The following SLC35E4 variants were observed in gnomAD, a reference collection of about 807,000 sequenced individuals.
SLC35E4 encodes solute carrier family 35 member E4, also known as solute carrier family 35, member E4.
In SLC35E4, 15 loss-of-function variants were observed where a neutral mutation model predicts 19.3. The ratio of observed to expected loss-of-function variants is 0.78; its 90% CI spans 0.52 to 1.20. The LOEUF (loss-of-function observed/expected upper bound fraction) is 1.20, where lower values mean the gene tolerates loss of function less well. Among genes scored for constraint, SLC35E4 ranks in the 50% most tolerant of loss-of-function variants. The pLI is 0.00. For synonymous variants in SLC35E4, 219 were observed against 219.9 expected (o/e 1.00, Z 0.04); for missense variants, 406 against 472.3 (o/e 0.86, Z 1.30).
At chr22:30,651,371 T>TTTTGTG (rs1555899345), downstream of SLC35E4, among the ~76,000 whole-genome samples, 2 of 41,226 alleles carry the variant, frequency 4.9e-5, no homozygotes, top group African/African-American at 1.1e-4. Context: ...TGGCTAATTT[T>TTTTGTG]TGTGTGTGTG....
intron 2 of SLC35E4, among the ~76,000 whole-genome samples, chr22:30,656,707 G>A (rs767969619): frequency 5.3e-5 from 8 of 152,170 alleles, no homozygotes; most frequent in East Asian, 1.9e-4. Flanking sequence ...AGTGTGAACT[G>A]TTTGGGAAAA....
At chr22:30,660,104 C>T (rs1314522630) in intron 2 of SLC35E4, among the ~76,000 whole-genome samples, 2 of 152,214 alleles carry the variant, frequency 1.3e-5, no homozygotes, top group African/African-American at 4.8e-5. Context: ...CAGGGAAAAA[C>T]ACATTTGGTT....
chr22:30,641,796 A>T (rs2088045360), intron 1 of SLC35E4, among the ~76,000 whole-genome samples: 2 of 147,112 alleles, frequency 1.4e-5, no homozygotes, highest in South Asian at 4.3e-4. Context: ...CCTGGCCTCA[A>T]GTGATCTTCC....
At chr22:30,645,819 A>ATTT (rs1179064724) in intron 1 of SLC35E4, among the ~76,000 whole-genome samples, 1,633 of 122,796 alleles carry the variant, frequency 0.013, 27 homozygotes, top group Non-Finnish European at 0.02. Flanking sequence ...TACCTGACCG[A>ATTT]TTTTTTTTTT....
chr22:30,659,938 C>G (rs951696931), intron 2 of SLC35E4, among the ~76,000 whole-genome samples: 1 of 152,150 alleles, frequency 6.6e-6, no homozygotes, highest in Admixed American at 6.5e-5. Context: ...GAGGGGCACA[C>G]GTAGAAAGCA....
chr22:30,657,896 T>C (rs993964204), intron 2 of SLC35E4, among the ~76,000 whole-genome samples: 12 of 141,776 alleles, frequency 8.5e-5, no homozygotes, highest in Admixed American at 4.4e-4. Flanking sequence ...AGTGCAAGAC[T>C]CTGTCTCAAA....
intron 1 of SLC35E4, among the ~76,000 whole-genome samples, chr22:30,638,663 T>G (rs972053906): frequency 1.4e-5 from 2 of 147,142 alleles, no homozygotes; most frequent in Non-Finnish European, 3.0e-5. Flanking sequence ...AATACAAAAA[T>G]TAGCTGAGCG....
At chr22:30,667,077 C>G (rs900007051), downstream of SLC35E4, 2 of 152,302 alleles carry the variant, frequency 1.3e-5, no homozygotes, top group East Asian at 3.9e-4. Context: ...AACTCGGTAG[C>G]AGTTCAGCTT....
chr22:30,657,735 TCTA>T (rs2088370373), intron 2 of SLC35E4, among the ~76,000 whole-genome samples: 1 of 150,022 alleles, frequency 6.7e-6, no homozygotes, highest in Non-Finnish European at 1.5e-5. Flanking sequence ...AAACCCCATC[TCTA>T]CTAAAAGTAC....
intron 2 of SLC35E4, chr22:30,661,779 T>G (rs951470764): frequency 6.6e-6 from 1 of 152,232 alleles, no homozygotes; most frequent in Non-Finnish European, 1.5e-5. Context: ...TTCCAGGGCC[T>G]ACTGATGGAG....
chr22:30,639,242 G>A (rs1402897249), intron 1 of SLC35E4, among the ~76,000 whole-genome samples: 1 of 152,140 alleles, frequency 6.6e-6, no homozygotes, highest in East Asian at 1.9e-4. Flanking sequence ...AAACCAGCAA[G>A]TTTTGATTAG....
intron 2 of SLC35E4, among the ~76,000 whole-genome samples, chr22:30,658,978 A>G (rs2088402064): frequency 6.6e-6 from 1 of 151,892 alleles, no homozygotes; most frequent in Non-Finnish European, 1.5e-5. Context: ...CCGCATCTCT[A>G]CTAGGCATGG....
At chr22:30,638,229 C>T (rs920344227) in intron 1 of SLC35E4, among the ~76,000 whole-genome samples, 10 of 150,004 alleles carry the variant, frequency 6.7e-5, no homozygotes, top group African/African-American at 2.5e-4. Flanking sequence ...GGGCCGGGCG[C>T]GGTGTCTCAT....
chr22:30,641,310 C>T (rs2088032025), intron 1 of SLC35E4, among the ~76,000 whole-genome samples: 1 of 152,178 alleles, frequency 6.6e-6, no homozygotes, highest in African/African-American at 2.4e-5. Flanking sequence ...TGCCAGCTCC[C>T]TCCTTCCCTC....
intron 2 of SLC35E4, among the ~76,000 whole-genome samples, chr22:30,660,260 C>T (rs2088430296): frequency 6.6e-6 from 1 of 152,102 alleles, no homozygotes; most frequent in South Asian, 2.1e-4. Flanking sequence ...TTTGTTACAG[C>T]ACCAAGAGTA....
chr22:30,666,119 G>A (rs2088647898), downstream of SLC35E4, among the ~76,000 whole-genome samples: 1 of 152,190 alleles, frequency 6.6e-6, no homozygotes, highest in African/African-American at 2.4e-5. Flanking sequence ...GAACCCAGAT[G>A]GAAGTCTAAA....
chr22:30,660,328 C>CA (rs1395132400), intron 2 of SLC35E4, among the ~76,000 whole-genome samples: 21 of 151,616 alleles, frequency 1.4e-4, no homozygotes, highest in Admixed American at 7.2e-4. Context: ...TTTTGAAACA[C>CA]AGTCTCACTT....
downstream of SLC35E4, chr22:30,663,635 G>T: frequency 1.2e-6 from 2 of 1,614,254 alleles, no homozygotes; most frequent in Non-Finnish European, 1.7e-6. Context: ...GGGACATGGC[G>T]TGGTACTTCA....
chr22:30,637,631 C>CT (rs1199351934), intron 1 of SLC35E4, among the ~76,000 whole-genome samples: 1 of 152,138 alleles, frequency 6.6e-6, no homozygotes, highest in Non-Finnish European at 1.5e-5. Context: ...CCTCAGCGAT[C>CT]TTCCCCCCTC....
Sources: allele counts gnomAD v4.1 joint callset (sites outside exome capture counted in the v4.1 genomes callset), GRCh38; gene constraint gnomAD v4.1.1; transcripts MANE v1.5; gene names NCBI Gene and HGNC (gene_info 2026-07-23, HGNC 2026-07-21).